The following ST6GALNAC3 variants were observed in gnomAD, a reference collection of about 807,000 sequenced individuals.
The protein encoded by ST6GALNAC3 is ST6 N-acetylgalactosaminide alpha-2,6-sialyltransferase 3, also known as alpha-N-acetylgalactosaminide alpha-2,6-sialyltransferase 3.
ST6GALNAC3 carries 25 observed loss-of-function variants against 32.7 expected under a neutral mutation model. The ratio of observed to expected loss-of-function variants is 0.76; its 90% CI spans 0.56 to 1.07. ST6GALNAC3 has a LOEUF of 1.07. ST6GALNAC3 is among the 50% of genes least tolerant of loss of function. The pLI, the probability that ST6GALNAC3 is intolerant of heterozygous loss-of-function variation, is 0.00. For missense variants in ST6GALNAC3, 355 were observed against 382.4 expected (o/e 0.93, Z 0.60); for synonymous variants, 129 against 133.1 (o/e 0.97, Z 0.21).
chr1:76,534,414 C>G (rs315080), intron 3 of ST6GALNAC3, among the ~76,000 whole-genome samples: 2 of 152,108 alleles, frequency 1.3e-5, no homozygotes, highest in Admixed American at 1.3e-4. Flanking sequence ...TTTAACTCTT[C>G]GCTGTCTTCA....
chr1:76,307,289 C>A (rs1016004819), intron 1 of ST6GALNAC3, among the ~76,000 whole-genome samples: 1 of 152,052 alleles, frequency 6.6e-6, no homozygotes, highest in East Asian at 1.9e-4. Flanking sequence ...TTTGATTCAA[C>A]GATGAAATAA....
chr1:76,536,654 C>CAAAAAAA (rs35157329), intron 3 of ST6GALNAC3, among the ~76,000 whole-genome samples: 8 of 57,624 alleles, frequency 1.4e-4, no homozygotes, highest in African/African-American at 1.9e-4. Flanking sequence ...AAATGGAAAG[C>CAAAAAAA]AAAAAAAAAA....
chr1:76,365,977 G>T (rs1246604666), intron 2 of ST6GALNAC3, among the ~76,000 whole-genome samples: 2 of 152,116 alleles, frequency 1.3e-5, no homozygotes, highest in South Asian at 2.1e-4. Context: ...TAGGTGTGAA[G>T]ATATGGAATT....
At chr1:76,398,674 T>G in intron 2 of ST6GALNAC3, among the ~76,000 whole-genome samples, 1 of 152,194 alleles carries the variant, frequency 6.6e-6, no homozygotes, top group East Asian at 1.9e-4. Flanking sequence ...ACAATGCTGC[T>G]CTAAATGTTT....
intron 3 of ST6GALNAC3, among the ~76,000 whole-genome samples, chr1:76,489,529 A>G (rs1660356239): frequency 6.6e-6 from 1 of 152,136 alleles, no homozygotes; most frequent in South Asian, 2.1e-4. Context: ...AAAAGGATCT[A>G]TAATTTTCTG....
At chr1:76,295,860 A>G (rs966706014) in intron 1 of ST6GALNAC3, among the ~76,000 whole-genome samples, 4 of 152,090 alleles carry the variant, frequency 2.6e-5, no homozygotes, top group Non-Finnish European at 5.9e-5. Flanking sequence ...CCGTGATGAT[A>G]AGAATGTTGC....
intron 3 of ST6GALNAC3, among the ~76,000 whole-genome samples, chr1:76,525,191 T>C (rs1282919845): frequency 1.3e-5 from 2 of 152,100 alleles, no homozygotes; most frequent in East Asian, 3.8e-4. Flanking sequence ...TAATTGATCA[T>C]AATGAGGAGG....
At chr1:76,097,222 G>C (rs1359669339) in intron 1 of ST6GALNAC3, among the ~76,000 whole-genome samples, 2 of 152,266 alleles carry the variant, frequency 1.3e-5, no homozygotes, top group South Asian at 4.1e-4. Flanking sequence ...CCCAGCCAGA[G>C]CATTGTTTTA....
rs537745052 is a variant in ST6GALNAC3 at position 76,630,954 on chromosome 1, G to A, written c.*2148G>A. On this transcript the variant is annotated 3_prime_UTR_variant, in exon 5 of 5. Coordinates refer to ENST00000328299, the MANE Select transcript of ST6GALNAC3 (RefSeq NM_152996.4). ...AAGAAATCCTTGATTAATCAGAATG[G>A]CTTGGGACATGAACTTAATTTATTT... is the stretch of plus-strand genomic sequence containing the variant. 1.3e-5 allele frequency: 13 copies of A among 985,478 alleles called. No individual in the cohort carries two copies. In the East Asian group the frequency reaches 9.1e-4, roughly 69 times the overall value. The allele number at this position is 985,478 out of a possible 1,614,324, so 61.0% of individuals were successfully genotyped here.
At chr1:76,521,740 G>A (rs1570079733) in intron 3 of ST6GALNAC3, among the ~76,000 whole-genome samples, 1 of 152,162 alleles carries the variant, frequency 6.6e-6, no homozygotes, top group South Asian at 2.1e-4. Context: ...TTCATTGAGT[G>A]TACAATGCTA....
At chr1:76,379,037 A>T (rs1292710441) in intron 2 of ST6GALNAC3, among the ~76,000 whole-genome samples, 3 of 152,154 alleles carry the variant, frequency 2.0e-5, no homozygotes, top group Non-Finnish European at 4.4e-5. Flanking sequence ...AGCTGGGACT[A>T]CAGGTGCCTG....
intron 2 of ST6GALNAC3, among the ~76,000 whole-genome samples, chr1:76,326,774 C>T (rs1019359140): frequency 2.0e-5 from 3 of 147,120 alleles, no homozygotes; most frequent in Non-Finnish European, 4.5e-5. Context: ...ATATGTTTTC[C>T]TGCATTTGGT....
chr1:76,608,607 G>T (rs1647718969), intron 3 of ST6GALNAC3, among the ~76,000 whole-genome samples: 1 of 115,024 alleles, frequency 8.7e-6, no homozygotes, highest in East Asian at 2.0e-4. Flanking sequence ...ATGTGTGTGT[G>T]TGTGTGTGTG....
At chr1:76,446,784 C>A (rs1460589690) in intron 3 of ST6GALNAC3, among the ~76,000 whole-genome samples, 3 of 152,270 alleles carry the variant, frequency 2.0e-5, no homozygotes, top group Non-Finnish European at 4.4e-5. Flanking sequence ...GCTGCCATCC[C>A]TGTAAGCCTT....
chr1:76,525,789 GTGTATATATATATATATATATATATA>G (rs1371733958), intron 3 of ST6GALNAC3, among the ~76,000 whole-genome samples: 2 of 58,920 alleles, frequency 3.4e-5, no homozygotes, highest in African/African-American at 4.9e-5. Context: ...GTGTGTGTGT[GTGTATATATATATATATATATATATA>G]TATATATATA....
intron 1 of ST6GALNAC3, among the ~76,000 whole-genome samples, chr1:76,126,099 T>C (rs1404087046): frequency 6.6e-6 from 1 of 152,206 alleles, no homozygotes; most frequent in Admixed American, 6.5e-5. Flanking sequence ...CCTCATTTCT[T>C]TGCCTTGAAA....
rs116343367 is a variant in ST6GALNAC3, at chr1:76,258,691, C to T, written c.19-55114C>T. On this transcript the variant is annotated intron_variant, in intron 1 of 4. Coordinates refer to ENST00000328299, the MANE Select transcript of ST6GALNAC3 (RefSeq NM_152996.4). ...AAGGGCCTGTGGAAGGGCTGGGTAC[C>T]CCGGCATTGTAAGATGTGACTGCAG... Among the ~76,000 whole-genome samples the T allele has an allele frequency of 7.1e-3, 1,086 of 152,112 alleles. 13 individuals carry two copies. Among genetic ancestry groups the T allele is most frequent in the African/African-American group, 0.025 (1,027 of 41,492 alleles).
chr1:76,346,342 C>T (rs1648512506), intron 2 of ST6GALNAC3, among the ~76,000 whole-genome samples: 1 of 152,142 alleles, frequency 6.6e-6, no homozygotes, highest in South Asian at 2.1e-4. Context: ...GTCCAAGGCC[C>T]ATGCTTTCAA....
intron 3 of ST6GALNAC3, among the ~76,000 whole-genome samples, chr1:76,502,248 G>A (rs1252803925): frequency 6.6e-6 from 1 of 152,184 alleles, no homozygotes; most frequent in East Asian, 1.9e-4. Flanking sequence ...AGCAAGAAAA[G>A]GTGATGTCTT....
Sources: allele counts gnomAD v4.1 joint callset (sites outside exome capture counted in the v4.1 genomes callset), GRCh38; gene constraint gnomAD v4.1.1; transcripts MANE v1.5; gene names NCBI Gene and HGNC (gene_info 2026-07-23, HGNC 2026-07-21).